Variants in UGT1A4 observed in about 807,000 individuals in gnomAD.
The protein encoded by UGT1A4 is UDP-glucuronosyltransferase 1A4.
In UGT1A4, 32 loss-of-function variants were observed where a neutral mutation model predicts 41.1. That is an observed-to-expected ratio of 0.78 (90% CI 0.59 to 1.05). UGT1A4 has a LOEUF of 1.05. UGT1A4 is among the 50% of genes least tolerant of loss of function. The pLI, the probability that UGT1A4 is intolerant of heterozygous loss-of-function variation, is 0.00. For missense variants in UGT1A4, 748 were observed against 677.4 expected, an observed-to-expected ratio of 1.10 and a Z score of -1.16; for synonymous variants, 283 against 265.1, an observed-to-expected ratio of 1.07 and a Z score of -0.66.
chr2:233,729,412 C>T, intron 1 of UGT1A4: 2 of 1,613,700 alleles, frequency 1.2e-6, no homozygotes, highest in Non-Finnish European at 1.7e-6. Flanking sequence ...TGTGCTGGGC[C>T]ACACTCAACT....
chr2:233,770,092 A>G (rs969996398), intron 4 of UGT1A4: 1 of 152,744 alleles, frequency 6.5e-6, no homozygotes, highest in Non-Finnish European at 1.5e-5. Flanking sequence ...AGTGGTATAG[A>G]TAACTACTTG....
intron 4 of UGT1A4, chr2:233,771,409 C>G (rs1252416049): frequency 6.6e-6 from 1 of 152,166 alleles, no homozygotes; most frequent in Non-Finnish European, 1.5e-5. Flanking sequence ...TGAACACTGT[C>G]CAGAATAAAC....
intron 1 of UGT1A4, among the ~76,000 whole-genome samples, chr2:233,761,951 C>T (rs997594435): frequency 3.9e-5 from 6 of 152,200 alleles, no homozygotes; most frequent in Non-Finnish European, 8.8e-5. Flanking sequence ...GCGTCTGGCT[C>T]CCATTAAGGG....
At chr2:233,741,211 A>C (rs764528916) in intron 1 of UGT1A4, among the ~76,000 whole-genome samples, 2 of 151,912 alleles carry the variant, frequency 1.3e-5, no homozygotes, top group African/African-American at 4.9e-5. Context: ...AACTAGCCAG[A>C]GTTGTTACAG....
At chr2:233,763,882 A>G (rs1279865944) in intron 1 of UGT1A4, among the ~76,000 whole-genome samples, 1 of 152,208 alleles carries the variant, frequency 6.6e-6, no homozygotes, top group Non-Finnish European at 1.5e-5. Flanking sequence ...GGTCTGAGAA[A>G]AATAACTAAA....
intron 1 of UGT1A4, among the ~76,000 whole-genome samples, chr2:233,735,342 T>C (rs542444977): frequency 6.6e-6 from 1 of 152,338 alleles, no homozygotes; most frequent in South Asian, 2.1e-4. Context: ...CCCTGCTTTT[T>C]TTTTGCTTTC....
At chr2:233,754,654 T>C (rs1182813950) in intron 1 of UGT1A4, 3 of 457,300 alleles carry the variant, frequency 6.6e-6, no homozygotes, top group Admixed American at 4.9e-5. Context: ...TCAATGATTC[T>C]CTTGGTGGTG....
intron 1 of UGT1A4, chr2:233,747,345 C>A (rs905208353): frequency 6.2e-7 from 1 of 1,602,546 alleles, no homozygotes; most frequent in South Asian, 1.1e-5. Flanking sequence ...GGCTCGCATG[C>A]GGGAGGCCGT....
chr2:233,726,656 T>G (rs1331581430), intron 1 of UGT1A4, among the ~76,000 whole-genome samples: 1 of 152,184 alleles, frequency 6.6e-6, no homozygotes, highest in Non-Finnish European at 1.5e-5. Flanking sequence ...ACTCTTAATT[T>G]AATCATATCT....
At chr2:233,762,035 T>C (rs960173120) in intron 1 of UGT1A4, among the ~76,000 whole-genome samples, 7 of 152,218 alleles carry the variant, frequency 4.6e-5, no homozygotes, top group African/African-American at 1.4e-4. Flanking sequence ...TTTTTTTTAA[T>C]TTTCTGTGCA....
rs141814082 is a variant in UGT1A4, at chr2:233,729,618, C to T, written c.867+9931C>T. ...TCTGCGCGGCAGTGCTGGCTAAGTACCTGTCGATTCCTACTGTGTTTTTTT... is the reference window on the plus strand; with the variant it reads ...TCTGCGCGGCAGTGCTGGCTAAGTATCTGTCGATTCCTACTGTGTTTTTTT... On this transcript the variant is annotated intron_variant, in intron 1 of 4. Transcript: ENST00000373409. The T allele has an allele frequency of 3.1e-6, 5 of 1,613,838 alleles. No homozygotes were observed. The South Asian group carries it at 4.4e-5, about 14-fold the overall frequency.
chr2:233,728,044 C>T (rs568632744), intron 1 of UGT1A4, among the ~76,000 whole-genome samples: 1 of 152,330 alleles, frequency 6.6e-6, no homozygotes, highest in African/African-American at 2.4e-5. Context: ...GGATAAGCCT[C>T]ATTGGGCTTG....
chr2:233,753,001 T>C (rs1372117630), intron 1 of UGT1A4, among the ~76,000 whole-genome samples: 3 of 151,962 alleles, frequency 2.0e-5, no homozygotes, highest in African/African-American at 7.3e-5. Context: ...CATTCTATCC[T>C]ACCCAGAGTG....
intron 4 of UGT1A4, 140 bp downstream of exon 4, chr2:233,768,579 CTTCTT>C (rs1699651499): frequency 9.6e-6 from 9 of 934,870 alleles, no homozygotes; most frequent in Non-Finnish European, 1.1e-5. Flanking sequence ...ATTTTTATTT[CTTCTT>C]TTTTTTTTTT....
At chr2:233,730,677 T>C (rs1282265511) in intron 1 of UGT1A4, among the ~76,000 whole-genome samples, 2 of 152,094 alleles carry the variant, frequency 1.3e-5, no homozygotes, top group Non-Finnish European at 2.9e-5. Flanking sequence ...AAAGTAATGG[T>C]TGCATCTCAA....
In UGT1A4 at chr2:233,767,846, C is replaced by G. The variant is rs1699507381; in HGVS notation, c.1000-3C>G. The G allele has an allele frequency of 6.2e-7, 1 of 1,614,014 alleles. No individual in the cohort carries two copies. Among genetic ancestry groups the G allele is most frequent in the Non-Finnish European group, 8.5e-7 (1 of 1,180,026 alleles). ...TACGTTCTGCTCTTTTTGCCCCTCC[C>G]AGGTCCTGTGGCGGTACACTGGAAC... On this transcript the variant is annotated splice_region_variant and splice_polypyrimidine_tract_variant and intron_variant, in intron 2 of 4. Coordinates refer to ENST00000373409, the MANE Select transcript of UGT1A4 (RefSeq NM_007120.3).
At chr2:233,737,915 A>C (rs986485881) in intron 1 of UGT1A4, among the ~76,000 whole-genome samples, 8 of 152,040 alleles carry the variant, frequency 5.3e-5, no homozygotes, top group Non-Finnish European at 8.8e-5. Context: ...AGAACAGGCT[A>C]GTGTATTTAG....
chr2:233,735,442 G>A (rs1187026118), intron 1 of UGT1A4, among the ~76,000 whole-genome samples: 1 of 151,980 alleles, frequency 6.6e-6, no homozygotes, highest in Non-Finnish European at 1.5e-5. Flanking sequence ...ACAGCATACC[G>A]ATGGGCCTTG....
intron 1 of UGT1A4, among the ~76,000 whole-genome samples, chr2:233,726,597 T>C (rs1191602652): frequency 6.6e-6 from 1 of 152,194 alleles, no homozygotes; most frequent in Non-Finnish European, 1.5e-5. Flanking sequence ...AGAGCCCTTG[T>C]GATTACACTG....
Sources: allele counts gnomAD v4.1 joint callset (sites outside exome capture counted in the v4.1 genomes callset), GRCh38; gene constraint gnomAD v4.1.1; transcripts MANE v1.5; gene names NCBI Gene and HGNC (gene_info 2026-07-23, HGNC 2026-07-21).